CDK13: variants seen among roughly 807,000 people sequenced by gnomAD.
The protein encoded by CDK13 is cyclin-dependent kinase 13.
In CDK13, 40 loss-of-function variants were observed where a neutral mutation model predicts 137.6. The observed-to-expected ratio is 0.29, with a 90% CI of 0.23 to 0.38. The LOEUF (loss-of-function observed/expected upper bound fraction) is 0.38, where lower values mean the gene tolerates loss of function less well. Ranked by LOEUF, CDK13 falls within the 10% of genes least tolerant of loss-of-function variation. The probability of loss-of-function intolerance (pLI) is 1.00; values close to 1 mark genes in which losing one functional copy is unlikely to be tolerated. For synonymous variants in CDK13, 869 were observed against 760.1 expected (o/e 1.14, Z -2.36); for missense variants, 1,704 against 1,951.8 (o/e 0.87, Z 2.39).
chr7:40,003,135 A>G (rs773396), intron 5 of CDK13, among the ~76,000 whole-genome samples: 145,279 of 146,310 alleles, frequency 0.99, 72,135 homozygotes, highest in East Asian at 1. Flanking sequence ...TGGTACTTAG[A>G]CTCCTGTCTT....
intron 5 of CDK13, 44 bp from the exon 6 acceptor site, chr7:40,045,792 T>A: frequency 7.7e-7 from 1 of 1,301,782 alleles, no homozygotes; most frequent in Non-Finnish European, 1.1e-6. Flanking sequence ...TATGGAAAGG[T>A]TGTAGGAATA....
intron 1 of CDK13, among the ~76,000 whole-genome samples, chr7:39,974,771 T>C (rs537075390): frequency 1.4e-4 from 21 of 152,086 alleles, no homozygotes; most frequent in South Asian, 6.2e-4. Context: ...GCCATGTTGG[T>C]CAGGCTGGTC....
chr7:40,011,471 AAATT>A (rs1480980368), intron 5 of CDK13, among the ~76,000 whole-genome samples: 16 of 152,364 alleles, frequency 1.1e-4, no homozygotes, highest in African/African-American at 3.4e-4. Context: ...GAGAGTCTAG[AAATT>A]AATTCCACAC....
intron 5 of CDK13, among the ~76,000 whole-genome samples, chr7:40,034,863 G>T (rs1271762800): frequency 6.6e-6 from 1 of 152,136 alleles, no homozygotes; most frequent in Non-Finnish European, 1.5e-5. Flanking sequence ...GAGGTATGGA[G>T]CATCTTACAT....
intron 5 of CDK13, among the ~76,000 whole-genome samples, chr7:40,023,780 C>G (rs906310864): frequency 6.6e-6 from 1 of 152,126 alleles, no homozygotes; most frequent in Non-Finnish European, 1.5e-5. Flanking sequence ...CCACCACGCC[C>G]GGCCCTGGAT....
At chr7:39,975,421 CAAAA>C (rs964971000) in intron 1 of CDK13, among the ~76,000 whole-genome samples, 3 of 150,938 alleles carry the variant, frequency 2.0e-5, no homozygotes, top group African/African-American at 7.3e-5. Context: ...CAAAGCAAAA[CAAAA>C]AAAACCCCTC....
intron 9 of CDK13, among the ~76,000 whole-genome samples, chr7:40,075,122 C>G (rs952410480): frequency 6.6e-6 from 1 of 152,004 alleles, no homozygotes; most frequent in Non-Finnish European, 1.5e-5. Context: ...ATCAGACTTT[C>G]AAGGAATATT....
intron 7 of CDK13, chr7:40,049,236 A>G (rs1431585979): frequency 1.3e-5 from 2 of 149,128 alleles, no homozygotes; most frequent in East Asian, 2.0e-4. Flanking sequence ...AGGAGGAAGG[A>G]AGGAAAGAGA....
intron 7 of CDK13, chr7:40,061,070 A>G (rs1311840211): frequency 6.8e-6 from 1 of 147,992 alleles, no homozygotes; most frequent in Non-Finnish European, 1.5e-5. Flanking sequence ...CTCCAGCGCA[A>G]AAAAAAAAAA....
chr7:40,082,299 C>A (rs1786681681), intron 11 of CDK13, among the ~76,000 whole-genome samples: 1 of 151,622 alleles, frequency 6.6e-6, no homozygotes, highest in African/African-American at 2.4e-5. Context: ...CCAGCCTGGC[C>A]AGGATGGTGA....
intron 7 of CDK13, chr7:40,061,098 C>T (rs1185576965): frequency 6.7e-6 from 1 of 149,992 alleles, no homozygotes; most frequent in East Asian, 1.9e-4. Context: ...GGGGCTAAAG[C>T]ATAAAGAGGT....
chr7:39,972,274 A>G (rs889812913), intron 1 of CDK13, among the ~76,000 whole-genome samples: 7 of 152,222 alleles, frequency 4.6e-5, no homozygotes, highest in Admixed American at 4.6e-4. Flanking sequence ...ATAAACACAA[A>G]ACATTTCAGT....
chr7:39,999,197 A>T, intron 3 of CDK13, 164 bp from the exon 4 acceptor site: 1 of 472,784 alleles, frequency 2.1e-6, no homozygotes, highest in Non-Finnish European at 3.6e-6. Context: ...GATAACTTAC[A>T]ATACCAAATC....
chr7:40,001,269 G>T (rs187672076), intron 4 of CDK13, among the ~76,000 whole-genome samples: 1 of 150,082 alleles, frequency 6.7e-6, no homozygotes, highest in Non-Finnish European at 1.5e-5. Flanking sequence ...GGGCTGGAGT[G>T]CAGAGTGCAG....
intron 9 of CDK13, among the ~76,000 whole-genome samples, chr7:40,064,064 C>T (rs1263751984): frequency 6.6e-6 from 1 of 152,004 alleles, no homozygotes; most frequent in African/African-American, 2.4e-5. Context: ...GTGGGTGGAT[C>T]ACCTGAGGTT....
intron 5 of CDK13, among the ~76,000 whole-genome samples, chr7:40,025,153 CT>C (rs1210821766): frequency 2.5e-4 from 4 of 15,970 alleles, no homozygotes; most frequent in Non-Finnish European, 4.4e-4. Flanking sequence ...TAAATCTCAG[CT>C]TAAGTATCTC....
chr7:40,074,010 C>G (rs1366816050), intron 9 of CDK13, among the ~76,000 whole-genome samples: 1 of 149,944 alleles, frequency 6.7e-6, no homozygotes, highest in South Asian at 2.1e-4. Context: ...TCAAGTGATT[C>G]TCTGCCTCAG....
At chr7:40,046,442 A>G (rs1584034101) in intron 6 of CDK13, among the ~76,000 whole-genome samples, 2 of 152,046 alleles carry the variant, frequency 1.3e-5, no homozygotes, top group East Asian at 1.9e-4. Context: ...CCAGGAGTTC[A>G]TGACCAGCCT....
intron 5 of CDK13, among the ~76,000 whole-genome samples, chr7:40,023,473 C>T (rs910491365): frequency 6.6e-6 from 1 of 151,854 alleles, no homozygotes; most frequent in Non-Finnish European, 1.5e-5. Flanking sequence ...TGGTGTCACA[C>T]CTGCCCTAGC....
Sources: gnomAD v4.1 joint callset for allele counts (sites outside exome capture counted in the v4.1 genomes callset) on GRCh38, gnomAD v4.1.1 for gene constraint, MANE v1.5 for transcripts, NCBI Gene and HGNC (gene_info 2026-07-23, HGNC 2026-07-21) for gene names.